The following PSD3 variants were observed in gnomAD, a reference collection of about 807,000 sequenced individuals.
The protein encoded by PSD3 is PH and SEC7 domain-containing protein 3.
In PSD3, 49 loss-of-function variants were observed where a neutral mutation model predicts 105.5. That is an observed-to-expected ratio of 0.46 (90% CI 0.37 to 0.59). The LOEUF (loss-of-function observed/expected upper bound fraction) is 0.59, where lower values mean the gene tolerates loss of function less well. PSD3 is among the 20% of genes least tolerant of loss of function. The probability of loss-of-function intolerance (pLI) is 0.00; values close to 1 mark genes in which losing one functional copy is unlikely to be tolerated. For missense variants in PSD3, 1,561 were observed against 1,263.8 expected, an observed-to-expected ratio of 1.24 and a Z score of -3.57; for synonymous variants, 557 against 457.8, an observed-to-expected ratio of 1.22 and a Z score of -2.77.
intron 9 of PSD3, among the ~76,000 whole-genome samples, chr8:18,735,190 C>T (rs1563209629): frequency 6.6e-6 from 1 of 152,076 alleles, no homozygotes; most frequent in Non-Finnish European, 1.5e-5. Flanking sequence ...GGCTGTAGTT[C>T]AACTCCAGGA....
At chr8:18,731,413 A>C (rs1250610462) in intron 9 of PSD3, among the ~76,000 whole-genome samples, 1 of 152,224 alleles carries the variant, frequency 6.6e-6, no homozygotes, top group Non-Finnish European at 1.5e-5. Context: ...TCTGCCAATT[A>C]AGAAAGGCAA....
intron 4 of PSD3, among the ~76,000 whole-genome samples, chr8:18,820,171 C>CTTTTTTTTTTTTTTTTTTTTTTTTT (rs11357749): frequency 7.8e-6 from 1 of 128,092 alleles, no homozygotes. Context: ...CATTTTTTTC[C>CTTTTTTTTTTTTTTTTTTTTTTTTT]TTTTTTTTTT....
At chr8:18,686,753 T>C (rs1254808962) in intron 9 of PSD3, among the ~76,000 whole-genome samples, 1 of 152,166 alleles carries the variant, frequency 6.6e-6, no homozygotes, top group Non-Finnish European at 1.5e-5. Context: ...CGTGGCACTT[T>C]AGCTTCCACT....
chr8:18,757,381 T>C (rs1288034039), intron 9 of PSD3, among the ~76,000 whole-genome samples: 4 of 152,082 alleles, frequency 2.6e-5, no homozygotes, highest in Non-Finnish European at 4.4e-5. Context: ...GGAGAATCAC[T>C]TGAACCCAGG....
chr8:18,637,119 T>C (rs1807309418), intron 10 of PSD3, among the ~76,000 whole-genome samples: 1 of 152,192 alleles, frequency 6.6e-6, no homozygotes, highest in Non-Finnish European at 1.5e-5. Context: ...ATAAAAGAGT[T>C]CCAAAATTGC....
At chr8:18,661,146 T>C (rs1809317426) in intron 9 of PSD3, among the ~76,000 whole-genome samples, 1 of 152,212 alleles carries the variant, frequency 6.6e-6, no homozygotes, top group East Asian at 1.9e-4. Flanking sequence ...TCGTGTATTT[T>C]AGTTCAATCA....
At chr8:18,942,392 G>A (rs140375710) in intron 1 of PSD3, among the ~76,000 whole-genome samples, 1 of 152,232 alleles carries the variant, frequency 6.6e-6, no homozygotes, top group East Asian at 1.9e-4. Context: ...ATGGAAGCAG[G>A]GAGCCACGCA....
intron 2 of PSD3, among the ~76,000 whole-genome samples, chr8:18,905,915 A>G (rs1819815985): frequency 6.6e-6 from 1 of 152,226 alleles, no homozygotes; most frequent in Non-Finnish European, 1.5e-5. Context: ...ATGAAAAAAG[A>G]AACAAAGTAT....
At chr8:18,608,327 TAC>T (rs1219414501) in intron 11 of PSD3, among the ~76,000 whole-genome samples, 2 of 152,216 alleles carry the variant, frequency 1.3e-5, no homozygotes, top group Non-Finnish European at 2.9e-5. Flanking sequence ...TCTGTACCAG[TAC>T]ACAGTCTCTG....
At chr8:18,575,543 A>G (rs1290493754) in intron 12 of PSD3, among the ~76,000 whole-genome samples, 1 of 152,190 alleles carries the variant, frequency 6.6e-6, no homozygotes, top group Non-Finnish European at 1.5e-5. Context: ...CTGATATACA[A>G]TAATTGAGGT....
chr8:19,062,982 T>C (rs990773560), intron 1 of PSD3, among the ~76,000 whole-genome samples: 1 of 152,228 alleles, frequency 6.6e-6, no homozygotes, highest in Non-Finnish European at 1.5e-5. Flanking sequence ...AGGTATTTGT[T>C]AATTAAAAAA....
rs1270215371 is a variant in PSD3 at position 18,529,016 on chromosome 8, G to A, written c.*6727C>T. On this transcript the variant is annotated 3_prime_UTR_variant, in exon 16 of 16. Transcript: ENST00000327040. ...GGGAGTGTGGACAAGGCACATCAGT[G>A]CTCCTACAGGAAGTGCCTCCTTGTT... 6.6e-6 allele frequency: 1 copy of A among 152,150 alleles called. No individual in the cohort carries two copies. The highest frequency in any genetic ancestry group is 2.4e-5 in the African/African-American group (1 of 41,432). The allele number at this position is 152,150 out of a possible 1,614,324, so 9.4% of individuals were successfully genotyped here.
At chr8:18,676,745 C>T in intron 9 of PSD3, among the ~76,000 whole-genome samples, 1 of 152,304 alleles carries the variant, frequency 6.6e-6, no homozygotes, top group Admixed American at 6.5e-5. Context: ...GCCTTGATAA[C>T]AATATCTGTG....
chr8:18,608,193 C>G (rs1279611208), intron 11 of PSD3, among the ~76,000 whole-genome samples: 1 of 152,102 alleles, frequency 6.6e-6, no homozygotes, highest in African/African-American at 2.4e-5. Flanking sequence ...GGATTCTATC[C>G]TGGGTGACAA....
chr8:18,857,080 T>A (rs73666733), intron 4 of PSD3, among the ~76,000 whole-genome samples: 6,763 of 152,238 alleles, frequency 0.044, 502 homozygotes, highest in African/African-American at 0.15. Flanking sequence ...CCACCACACC[T>A]AAGACAACAG....
chr8:18,644,500 T>C (rs1287844500), intron 10 of PSD3, among the ~76,000 whole-genome samples: 1 of 152,196 alleles, frequency 6.6e-6, no homozygotes, highest in African/African-American at 2.4e-5. Context: ...TCAAATACCT[T>C]GTTCTTCATT....
intron 1 of PSD3, among the ~76,000 whole-genome samples, chr8:19,026,750 A>G (rs1827565742): frequency 6.7e-6 from 1 of 150,080 alleles, no homozygotes; most frequent in South Asian, 2.1e-4. Context: ...GCACACACCT[A>G]TAGTCCCAGC....
At chr8:18,874,231 G>A (rs569422104) in intron 2 of PSD3, among the ~76,000 whole-genome samples, 3 of 151,688 alleles carry the variant, frequency 2.0e-5, no homozygotes, top group Admixed American at 6.6e-5. Flanking sequence ...GTACGATCTC[G>A]GTTCACTGCA....
intron 4 of PSD3, among the ~76,000 whole-genome samples, chr8:18,847,921 T>C (rs529191221): frequency 9.9e-4 from 150 of 152,108 alleles, no homozygotes; most frequent in Middle Eastern, 6.8e-3. Flanking sequence ...GCAGAAACAA[T>C]CGGGGAGACA....
Sources: allele counts gnomAD v4.1 joint callset (sites outside exome capture counted in the v4.1 genomes callset), GRCh38; gene constraint gnomAD v4.1.1; transcripts MANE v1.5; gene names NCBI Gene and HGNC (gene_info 2026-07-23, HGNC 2026-07-21).